The following EFCAB6 variants were observed in gnomAD, a reference collection of about 807,000 sequenced individuals.
EFCAB6 encodes the protein EF-hand calcium-binding domain-containing protein 6.
In EFCAB6, 156 loss-of-function variants were observed where a neutral mutation model predicts 169.8. The observed-to-expected ratio is 0.92, with a 90% CI of 0.81 to 1.05. The LOEUF (loss-of-function observed/expected upper bound fraction) is 1.05. Among genes scored for constraint, EFCAB6 ranks in the 50% least tolerant of loss-of-function variants. The probability of loss-of-function intolerance (pLI) is 0.00; values close to 1 mark genes in which losing one functional copy is unlikely to be tolerated. For missense variants in EFCAB6, 1,800 were observed against 1,829.1 expected (o/e 0.98, Z 0.29); for synonymous variants, 698 against 676.4 (o/e 1.03, Z -0.50).
chr22:43,741,461 C>T (rs987732642), intron 6 of EFCAB6, among the ~76,000 whole-genome samples: 2 of 152,202 alleles, frequency 1.3e-5, no homozygotes, highest in Non-Finnish European at 2.9e-5. Context: ...CTTCCTCACT[C>T]GCTTACTTGA....
At chr22:43,529,765 T>C (rs2046946985) in intron 31 of EFCAB6, among the ~76,000 whole-genome samples, 1 of 152,136 alleles carries the variant, frequency 6.6e-6, no homozygotes. Context: ...TCCCTGATGA[T>C]TGTCCAGCCA....
At chr22:43,630,856 T>TGGGCTGACTGGGACATG (rs2054889130) in intron 19 of EFCAB6, among the ~76,000 whole-genome samples, 1 of 150,726 alleles carries the variant, frequency 6.6e-6, no homozygotes, top group African/African-American at 2.5e-5. Flanking sequence ...ATGAGATCAT[T>TGGGCTGACTGGGACATG]AGGACCAATC....
At chr22:43,531,392 A>G (rs2047059340) in intron 30 of EFCAB6, among the ~76,000 whole-genome samples, 1 of 152,216 alleles carries the variant, frequency 6.6e-6, no homozygotes, top group Non-Finnish European at 1.5e-5. Context: ...TTGAGGAAAA[A>G]AAGAGATTTC....
intron 10 of EFCAB6, among the ~76,000 whole-genome samples, chr22:43,698,313 G>C (rs1008301075): frequency 6.6e-6 from 1 of 152,142 alleles, no homozygotes; most frequent in Non-Finnish European, 1.5e-5. Flanking sequence ...CATCATGGAG[G>C]GGGCAAGAGT....
chr22:43,728,159 G>A (rs900211127), intron 8 of EFCAB6, among the ~76,000 whole-genome samples: 9 of 152,024 alleles, frequency 5.9e-5, no homozygotes, highest in Admixed American at 3.9e-4. Flanking sequence ...GAGAACATGC[G>A]GTGTTTGGTT....
chr22:43,624,256 C>G (rs1042129864), intron 20 of EFCAB6, among the ~76,000 whole-genome samples: 1 of 152,284 alleles, frequency 6.6e-6, no homozygotes, highest in African/African-American at 2.4e-5. Context: ...GTCCACCAGA[C>G]CCCGGGGACC....
intron 16 of EFCAB6, among the ~76,000 whole-genome samples, chr22:43,668,183 T>C (rs1204173681): frequency 6.6e-6 from 1 of 152,212 alleles, no homozygotes; most frequent in Non-Finnish European, 1.5e-5. Flanking sequence ...AATATTCCCA[T>C]TGCTCTTTAC....
At chr22:43,802,626 C>T in intron 2 of EFCAB6, 1 of 479,822 alleles carries the variant, frequency 2.1e-6, no homozygotes, top group Admixed American at 2.3e-5. Context: ...GAGCCCAAGC[C>T]TAAAAGGGCC....
chr22:43,761,638 G>C (rs2061164244), intron 5 of EFCAB6, among the ~76,000 whole-genome samples: 1 of 152,184 alleles, frequency 6.6e-6, no homozygotes, highest in East Asian at 1.9e-4. Flanking sequence ...ATATCTGATA[G>C]TTCCAATATT....
intron 17 of EFCAB6, among the ~76,000 whole-genome samples, chr22:43,665,853 T>C (rs952900452): frequency 1.3e-5 from 2 of 152,226 alleles, no homozygotes; most frequent in Non-Finnish European, 2.9e-5. Flanking sequence ...AGTGGCACGA[T>C]CTCAGCTCAC....
chr22:43,572,697 G>A lies in EFCAB6; in HGVS notation c.3420+3600C>T, dbSNP rs910210059. 3.3e-5 allele frequency among the ~76,000 whole-genome samples: 5 copies of A among 152,054 alleles called. No individual in the cohort carries two copies. The highest frequency in any genetic ancestry group is 4.8e-5 in the African/African-American group (2 of 41,398). On this transcript the variant is annotated intron_variant, in intron 26 of 31. Transcript: ENST00000262726. The surrounding 1 kb of genome is among the most constrained non-coding windows in gnomAD (Gnocchi z 4.0). ...CCTCGTCGCTCGGATGTCACCCCTC[G>A]ACAGGCCCTCCCTTCTGCTCTGCTC...
intron 8 of EFCAB6, among the ~76,000 whole-genome samples, chr22:43,727,792 A>G (rs1473185010): frequency 6.6e-6 from 1 of 152,200 alleles, no homozygotes. Flanking sequence ...TAGATAATTT[A>G]TAAAGAAAAG....
chr22:43,580,030 C>T (rs1167430767), intron 25 of EFCAB6, among the ~76,000 whole-genome samples: 1 of 152,148 alleles, frequency 6.6e-6, no homozygotes, highest in Non-Finnish European at 1.5e-5. Context: ...TGTCAACCTA[C>T]TCAGGTGACT....
chr22:43,618,585 C>T (rs2147756785), intron 20 of EFCAB6, among the ~76,000 whole-genome samples: 1 of 152,284 alleles, frequency 6.6e-6, no homozygotes, highest in Non-Finnish European at 1.5e-5. Context: ...TGGGGCTTTC[C>T]TCCCATGTTC....
At chr22:43,669,173 T>C in intron 15 of EFCAB6, 128 bp from the exon 16 acceptor site, 1 of 746,974 alleles carries the variant, frequency 1.3e-6, no homozygotes, top group Non-Finnish European at 2.0e-6. Flanking sequence ...GAATGTAAAA[T>C]GGTACAACCA....
intron 10 of EFCAB6, among the ~76,000 whole-genome samples, chr22:43,706,023 A>G (rs771484615): frequency 6.6e-6 from 1 of 152,248 alleles, no homozygotes; most frequent in Non-Finnish European, 1.5e-5. Flanking sequence ...AGGAGATATT[A>G]TAATTGATAC....
chr22:43,629,831 C>A (rs965073729), intron 19 of EFCAB6, among the ~76,000 whole-genome samples: 1 of 152,062 alleles, frequency 6.6e-6, no homozygotes, highest in Non-Finnish European at 1.5e-5. Context: ...CAGGCGGGAG[C>A]AGGATGTATC....
intron 23 of EFCAB6, among the ~76,000 whole-genome samples, chr22:43,594,637 G>A (rs1431055760): frequency 6.6e-6 from 1 of 152,080 alleles, no homozygotes; most frequent in Non-Finnish European, 1.5e-5. Flanking sequence ...AATATGTAAA[G>A]CAAATGTTAA....
chr22:43,629,617 G>A (rs2147863656), intron 19 of EFCAB6, among the ~76,000 whole-genome samples: 1 of 152,286 alleles, frequency 6.6e-6, no homozygotes, highest in Middle Eastern at 3.4e-3. Context: ...GCAGCACCCT[G>A]CGGGCTGTGT....
Sources: allele counts gnomAD v4.1 joint callset (sites outside exome capture counted in the v4.1 genomes callset), GRCh38; gene constraint gnomAD v4.1.1; non-coding constraint Gnocchi (gnomAD v3.1); transcripts MANE v1.5; gene names NCBI Gene and HGNC (gene_info 2026-07-23, HGNC 2026-07-21).